MRPS28: variants seen among roughly 807,000 people sequenced by gnomAD.
MRPS28 encodes the protein mitochondrial ribosomal protein S28, also known as small ribosomal subunit protein bS1m.
In MRPS28, 7 loss-of-function variants were observed where a neutral mutation model predicts 10.8. The ratio of observed to expected loss-of-function variants is 0.65; its 90% CI spans 0.37 to 1.22. The LOEUF (loss-of-function observed/expected upper bound fraction) is 1.22, where lower values mean the gene tolerates loss of function less well. MRPS28 is among the 50% of genes most tolerant of loss of function. The probability of loss-of-function intolerance (pLI) is 0.02; values close to 1 mark genes in which losing one functional copy is unlikely to be tolerated. For missense variants in MRPS28, 265 were observed against 232.9 expected (o/e 1.14, Z -0.90); for synonymous variants, 121 against 93.3 (o/e 1.30, Z -1.71).
At chr8:79,919,552 T>C (rs763107467) in intron 2 of MRPS28, among the ~76,000 whole-genome samples, 43 of 152,174 alleles carry the variant, frequency 2.8e-4, no homozygotes, top group Non-Finnish European at 5.6e-4. Flanking sequence ...CAGGCTGGTC[T>C]CAAACTCCTG....
At chr8:79,972,096 T>C (rs1214745324) in intron 2 of MRPS28, among the ~76,000 whole-genome samples, 3 of 152,092 alleles carry the variant, frequency 2.0e-5, no homozygotes, top group African/African-American at 4.8e-5. Context: ...AATTTCTACA[T>C]CTGCAGATTC....
intron 1 of MRPS28, among the ~76,000 whole-genome samples, chr8:80,015,873 C>T (rs946224778): frequency 2.0e-5 from 3 of 151,504 alleles, no homozygotes; most frequent in Admixed American, 6.6e-5. Flanking sequence ...TGCTAGAGAT[C>T]GAAAGCCCTG....
At chr8:79,938,426 CTTT>C (rs11350416) in intron 2 of MRPS28, among the ~76,000 whole-genome samples, 5 of 142,636 alleles carry the variant, frequency 3.5e-5, no homozygotes, top group Non-Finnish European at 3.1e-5. Flanking sequence ...GTGGGCTGTG[CTTT>C]TTTTTTTTTT....
intron 1 of MRPS28, among the ~76,000 whole-genome samples, chr8:80,025,546 T>C (rs1809473729): frequency 1.3e-5 from 2 of 152,206 alleles, no homozygotes; most frequent in African/African-American, 4.8e-5. Context: ...AAGGCCTTCC[T>C]ACTTAAATAA....
chr8:79,992,333 C>T (rs1563536504), intron 2 of MRPS28, among the ~76,000 whole-genome samples: 2 of 152,226 alleles, frequency 1.3e-5, no homozygotes, highest in Non-Finnish European at 2.9e-5. Flanking sequence ...ATTCTCAATT[C>T]TGTGCCATTC....
intron 2 of MRPS28, among the ~76,000 whole-genome samples, chr8:79,989,098 A>G (rs1302809903): frequency 6.6e-6 from 1 of 152,230 alleles, no homozygotes; most frequent in Non-Finnish European, 1.5e-5. Context: ...GGTGCTTTCA[A>G]CAAGTATAAT....
chr8:79,932,546 C>T (rs1254568873), intron 2 of MRPS28, among the ~76,000 whole-genome samples: 1 of 152,172 alleles, frequency 6.6e-6, no homozygotes, highest in Non-Finnish European at 1.5e-5. Context: ...TGTAAGGCTT[C>T]ATACACCAAA....
intron 2 of MRPS28, among the ~76,000 whole-genome samples, chr8:79,970,928 T>C (rs1008593516): frequency 2.6e-5 from 4 of 152,258 alleles, no homozygotes; most frequent in Non-Finnish European, 4.4e-5. Flanking sequence ...GCACCACATG[T>C]ATTGTTTGGG....
At chr8:79,954,486 G>C (rs1377705867) in intron 2 of MRPS28, among the ~76,000 whole-genome samples, 1 of 152,130 alleles carries the variant, frequency 6.6e-6, no homozygotes, top group Non-Finnish European at 1.5e-5. Flanking sequence ...TACTGTCTGA[G>C]AAAGATACCC....
intron 2 of MRPS28, among the ~76,000 whole-genome samples, chr8:79,952,086 A>C (rs1807093438): frequency 6.6e-6 from 1 of 152,318 alleles, no homozygotes; most frequent in South Asian, 2.1e-4. Flanking sequence ...AACTTCGGAA[A>C]AGAATGCCCA....
chr8:79,954,110 A>G (rs1032280680), intron 2 of MRPS28, among the ~76,000 whole-genome samples: 6 of 152,062 alleles, frequency 3.9e-5, no homozygotes, highest in Admixed American at 3.9e-4. Context: ...CAGGCACACT[A>G]CATGCTCCTG....
intron 1 of MRPS28, among the ~76,000 whole-genome samples, chr8:80,014,469 T>C (rs953156612): frequency 6.6e-6 from 1 of 152,130 alleles, no homozygotes; most frequent in Non-Finnish European, 1.5e-5. Flanking sequence ...TTTGTGATGA[T>C]TCAAATACGA....
intron 2 of MRPS28, among the ~76,000 whole-genome samples, chr8:79,942,612 T>C (rs1031378004): frequency 6.6e-6 from 1 of 152,222 alleles, no homozygotes; most frequent in African/African-American, 2.4e-5. Flanking sequence ...AGAGTTGTTA[T>C]GGGTCAGTGT....
intron 2 of MRPS28, among the ~76,000 whole-genome samples, chr8:79,945,619 G>A (rs1348048672): frequency 6.6e-6 from 1 of 152,092 alleles, no homozygotes; most frequent in East Asian, 1.9e-4. Context: ...AATTTAAAAT[G>A]GCAGAAATGG....
At chr8:79,944,695 T>TC (rs1252437830) in intron 2 of MRPS28, among the ~76,000 whole-genome samples, 1 of 58,014 alleles carries the variant, frequency 1.7e-5, no homozygotes, top group African/African-American at 1.1e-4. Context: ...TTTCTTTTTC[T>TC]TTTTTCTTTT....
intron 2 of MRPS28, among the ~76,000 whole-genome samples, chr8:79,984,927 A>C (rs1387771552): frequency 6.6e-6 from 1 of 152,200 alleles, no homozygotes; most frequent in African/African-American, 2.4e-5. Flanking sequence ...ACGCGGACCT[A>C]ATACACATCT....
chr8:79,974,946 G>T (rs543033493), intron 2 of MRPS28, among the ~76,000 whole-genome samples: 1 of 152,246 alleles, frequency 6.6e-6, no homozygotes, highest in East Asian at 1.9e-4. Context: ...ATTACGGAGG[G>T]CAGTAGGAAT....
intron 2 of MRPS28, among the ~76,000 whole-genome samples, chr8:79,921,662 T>A (rs923558604): frequency 3.9e-5 from 6 of 152,238 alleles, no homozygotes; most frequent in Non-Finnish European, 8.8e-5. Context: ...AAGTTTCTTA[T>A]CAGCTTAAGG....
chr8:79,965,543 T>C, intron 2 of MRPS28, among the ~76,000 whole-genome samples: 1 of 152,094 alleles, frequency 6.6e-6, no homozygotes, highest in East Asian at 1.9e-4. Context: ...CGTCCTTTTA[T>C]CCTTTTTGAA....
Sources: gnomAD v4.1 joint callset for allele counts (sites outside exome capture counted in the v4.1 genomes callset) on GRCh38, gnomAD v4.1.1 for gene constraint, MANE v1.5 for transcripts, NCBI Gene and HGNC (gene_info 2026-07-23, HGNC 2026-07-21) for gene names.